Variants in ZNF845 observed in about 807,000 individuals in gnomAD.
ZNF845 encodes the protein zinc finger protein 845.
ZNF845 carries 59 observed loss-of-function variants against 76.1 expected under a neutral mutation model. The ratio of observed to expected loss-of-function variants is 0.78; its 90% CI spans 0.63 to 0.96. The LOEUF (loss-of-function observed/expected upper bound fraction) is 0.96. Among genes scored for constraint, ZNF845 ranks in the 40% least tolerant of loss-of-function variants. The pLI is 0.00. For synonymous variants in ZNF845, 361 were observed against 386.9 expected (o/e 0.93, Z 0.78); for missense variants, 1,045 against 1,172.8 (o/e 0.89, Z 1.59).
intron 3 of ZNF845, among the ~76,000 whole-genome samples, chr19:53,349,204 G>C (rs1044913169): frequency 6.6e-6 from 1 of 151,860 alleles, no homozygotes; most frequent in African/African-American, 2.4e-5. Context: ...TTTTGACCTC[G>C]TACATCAGAA....
At chr19:53,343,811 C>T (rs981943778) in intron 2 of ZNF845, among the ~76,000 whole-genome samples, 30 of 151,936 alleles carry the variant, frequency 2.0e-4, no homozygotes, top group Admixed American at 1.8e-3. Context: ...TTTGAGTCAT[C>T]TAGTTTTCAT....
At position 53,351,502 on chromosome 19, in the gene ZNF845, G is replaced by A; in HGVS notation, c.827G>A (p.Cys276Tyr). Reference protein sequence around the residue: ...TGKKPYKCNDCGKTFSQELTL... With the variant: ...TGKKPYKCNDYGKTFSQELTL... ...AAGAAACCTTACAAGTGTAATGATT[G>A]TGGCAAGACCTTCAGTCAGGAGTTA... The change falls in exon 4 of 4, where the codon TGT (cysteine) becomes TAT (tyrosine). Residue 276 changes from cysteine (C) to tyrosine (Y), a missense_variant. Physicochemically the swap from Cys to Tyr is radical, Grantham distance 194 (BLOSUM62 -2). Coordinates refer to ENST00000458035, the MANE Select transcript of ZNF845 (RefSeq NM_138374.3). 6.2e-7 allele frequency: 1 copy of A among 1,614,222 alleles called. No individual in the cohort carries two copies. Among genetic ancestry groups the A allele is most frequent in the East Asian group, 2.2e-5 (1 of 44,888 alleles).
chr19:53,342,618 C>T (rs886148309), intron 2 of ZNF845, among the ~76,000 whole-genome samples: 3 of 152,012 alleles, frequency 2.0e-5, no homozygotes, highest in Admixed American at 1.3e-4. Context: ...GAGCAAATCT[C>T]GCGCGTCTGT....
Position 53,356,320 on chromosome 19 carries a change from G to C in ZNF845, c.*2732G>C, listed in dbSNP as rs1476962607. ...TTAGAGGCCCAGGCAGGTGGGTGAC[G>C]TGAGCCTAGGGATTCAAGACCAGCC... On this transcript the variant is annotated 3_prime_UTR_variant, in exon 4 of 4. Coordinates refer to ENST00000458035, the MANE Select transcript of ZNF845 (RefSeq NM_138374.3). The C allele has an allele frequency of 6.6e-6, 1 of 152,154 alleles. No homozygotes were observed. The highest frequency in any genetic ancestry group is 6.5e-5 in the Admixed American group (1 of 15,268). 9.4% of individuals were successfully genotyped at this position (152,154 alleles called of 1,614,324 possible).
chr19:53,347,128 C>T (rs986447151), intron 3 of ZNF845, among the ~76,000 whole-genome samples: 22 of 152,062 alleles, frequency 1.4e-4, no homozygotes, highest in African/African-American at 4.3e-4. Flanking sequence ...GGTGGTGATC[C>T]GCCTGCCTTG....
At position 53,355,151 on chromosome 19, in the gene ZNF845, A is replaced by G. The variant is rs966452849; in HGVS notation, c.*1563A>G. On this transcript the variant is annotated 3_prime_UTR_variant, in exon 4 of 4. Coordinates refer to ENST00000458035, the MANE Select transcript of ZNF845 (RefSeq NM_138374.3). Reference sequence around the variant, plus strand: ...TTTCTTGAACTCCTGACTTCAGGTGATCCGCCCCCATCAGCATCCCAAAGT... The same window carrying G: ...TTTCTTGAACTCCTGACTTCAGGTGGTCCGCCCCCATCAGCATCCCAAAGT... 7.2e-5 allele frequency: 11 copies of G among 151,998 alleles called. No homozygotes were observed. The East Asian group carries it at 2.1e-3, about 30-fold the overall frequency. The allele number at this position is 151,998 out of a possible 1,614,324, so 9.4% of individuals were successfully genotyped here.
Position 53,352,729 on chromosome 19 carries a change from A to T in ZNF845, c.2054A>T (p.His685Leu), listed in dbSNP as rs542316586. The change falls in exon 4 of 4, where the codon CAT becomes CTT. Residue 685 changes from histidine (H) to leucine (L), a missense_variant. Physicochemically the swap from His to Leu is moderately conservative, Grantham distance 99. Transcript: ENST00000458035. Reference protein sequence around the residue: ...KSYLTCHRRLHTGEKPYKCNE... With the variant: ...KSYLTCHRRLLTGEKPYKCNE... ...TACCTTACATGCCATCGTAGACTTC[A>T]TACTGGAGAGAAACCTTACAAGTGT... 3 of 1,614,192 alleles carry T rather than the reference A, an allele frequency of 1.9e-6. No homozygotes were observed. Among genetic ancestry groups the T allele is most frequent in the African/African-American group, 2.7e-5 (2 of 75,048 alleles).
In ZNF845 at chr19:53,351,323, A is replaced by G. The variant is rs1379504957; in HGVS notation, c.648A>G (p.Gln216=). The change falls in exon 4 of 4, where the codon CAA becomes CAG. Residue 216 remains glutamine (Q), a synonymous_variant. Transcript: ENST00000458035. Reference sequence around the variant, plus strand: ...TACACATGAGAGAAAAATCTTTCCAATGTAATGAGAGTGGCAAAGCCTTTA... The same window carrying G: ...TACACATGAGAGAAAAATCTTTCCAGTGTAATGAGAGTGGCAAAGCCTTTA... ...QEVHMREKSF[Q]CNESGKAFNY... is the part of the protein sequence containing the mutation. The G allele has an allele frequency of 1.2e-6, 2 of 1,614,100 alleles. No homozygotes were observed. Among genetic ancestry groups the G allele is most frequent in the Admixed American group, 1.7e-5 (1 of 60,008 alleles).
rs1048715651 is a variant in ZNF845 at position 53,356,149 on chromosome 19, G to T, written c.*2561G>T. ...TAAACTTGTTATAACGTCTGAACAG[G>T]CTCTAGTTTGAGGCACTCAGAAGGA... On this transcript the variant is annotated 3_prime_UTR_variant, in exon 4 of 4. Transcript: ENST00000458035. The T allele has an allele frequency of 6.6e-6, 1 of 152,128 alleles. No individual in the cohort carries two copies. Among genetic ancestry groups the T allele is most frequent in the Non-Finnish European group, 1.5e-5 (1 of 68,036 alleles). The allele number at this position is 152,128 out of a possible 1,614,324, so 9.4% of individuals were successfully genotyped here. A position where few individuals can be genotyped will look rare whatever the true frequency, so the allele number is the denominator to read the frequency against.
chr19:53,340,889 G>C (rs998364249), intron 1 of ZNF845: 14 of 388,192 alleles, frequency 3.6e-5, no homozygotes, highest in Non-Finnish European at 5.5e-5. Context: ...CATGTGGGCT[G>C]TCCCTCTGCT....
intron 2 of ZNF845, among the ~76,000 whole-genome samples, chr19:53,343,057 T>G (rs59292175): frequency 0.2 from 30,747 of 151,938 alleles, 3,301 homozygotes; most frequent in East Asian, 0.3. Flanking sequence ...GACCTCAGGT[T>G]ATCCACCCAC....
intron 1 of ZNF845, among the ~76,000 whole-genome samples, chr19:53,334,579 T>C (rs1320808002): frequency 2.0e-5 from 3 of 151,564 alleles, no homozygotes; most frequent in South Asian, 2.1e-4. Flanking sequence ...GAGAGATATG[T>C]ACAGAATTAG....
chr19:53,349,652 T>TA (rs1282773743), intron 3 of ZNF845, among the ~76,000 whole-genome samples: 1 of 152,174 alleles, frequency 6.6e-6, no homozygotes, highest in Non-Finnish European at 1.5e-5. Context: ...TTTTATGGGT[T>TA]ACGTTATTTT....
In ZNF845 at chr19:53,349,514, C is replaced by T. The variant is rs932857124; in HGVS notation, c.143-1304C>T. Among the ~76,000 whole-genome samples, 172 of 151,154 alleles carry T rather than the reference C, an allele frequency of 1.1e-3. 3 individuals are homozygous for T. The highest frequency in any genetic ancestry group is 7.9e-3 in the Admixed American group (120 of 15,170). ...CGATCTCCTGACCTCATGATCTGCC[C>T]GCCTCAGCCTCCCAAAGTGTTGGGA... On this transcript the variant is annotated intron_variant, in intron 3 of 3. Transcript: ENST00000458035.
At chr19:53,337,629 C>A (rs1241598002) in intron 1 of ZNF845, among the ~76,000 whole-genome samples, 1 of 151,982 alleles carries the variant, frequency 6.6e-6, no homozygotes, top group Non-Finnish European at 1.5e-5. Flanking sequence ...AGTGCAGTGG[C>A]GTAATCATGG....
Position 53,351,823 on chromosome 19 carries a change from A to G in ZNF845, c.1148A>G (p.Tyr383Cys). ...AAAATTCATACTGGAGAGAAACCTTACAAGTGTAATGAATGCAGCAGGACC... is the reference window on the plus strand; with the variant it reads ...AAAATTCATACTGGAGAGAAACCTTGCAAGTGTAATGAATGCAGCAGGACC... ...HRKIHTGEKPYKCNECSRTFS... is the reference protein window; with the variant it reads ...HRKIHTGEKPCKCNECSRTFS... The change falls in exon 4 of 4, where the codon TAC (tyrosine) becomes TGC (cysteine). Residue 383 changes from tyrosine (Y) to cysteine (C), a missense_variant. Tyr to Cys is a radical substitution (Grantham distance 194). Transcript: ENST00000458035. 3 of 1,613,974 alleles carry G rather than the reference A, an allele frequency of 1.9e-6. No individual in the cohort carries two copies. The highest frequency in any genetic ancestry group is 3.3e-4 in the Middle Eastern group (2 of 6,062).
At position 53,338,716 on chromosome 19, in the gene ZNF845, A is replaced by G. The variant is rs11672148; in HGVS notation, c.-73-2519A>G. The stretch of plus-strand genomic sequence containing the variant: ...TGAGCACACACACACACACACACAC[A>G]CACACGCACACACACACTCCCACAC... On this transcript the variant is annotated intron_variant, in intron 1 of 3. Transcript: ENST00000458035. 3.6e-4 allele frequency among the ~76,000 whole-genome samples: 28 copies of G among 77,108 alleles called. 1 individual carries two copies. Among genetic ancestry groups the G allele is most frequent in the Admixed American group, 1.6e-3 (12 of 7,738 alleles). The allele number at this position is 77,108 out of a possible 152,430, so 50.6% of individuals were successfully genotyped here.
At chr19:53,338,724 A>T (rs376682492) in intron 1 of ZNF845, among the ~76,000 whole-genome samples, 2 of 100,994 alleles carry the variant, frequency 2.0e-5, no homozygotes, top group Non-Finnish European at 4.4e-5. Context: ...ACACACACGC[A>T]CACACACACT....
chr19:53,338,827 T>A (rs549328158), intron 1 of ZNF845, among the ~76,000 whole-genome samples: 1 of 151,560 alleles, frequency 6.6e-6, no homozygotes, highest in East Asian at 1.9e-4. Flanking sequence ...ACGCCTGTAG[T>A]CCTACAGCTT....
Sources: gnomAD v4.1 joint callset for allele counts (sites outside exome capture counted in the v4.1 genomes callset) on GRCh38, gnomAD v4.1.1 for gene constraint, MANE v1.5 for transcripts, NCBI Gene and HGNC (gene_info 2026-07-23, HGNC 2026-07-21) for gene names.